The following MTUS1 variants were observed in gnomAD, a reference collection of about 807,000 sequenced individuals.
MTUS1 encodes microtubule-associated tumor suppressor 1.
Under a neutral mutation model 120.8 loss-of-function variants are expected in MTUS1, and 109 were observed. That is an observed-to-expected ratio of 0.90 (90% CI 0.77 to 1.06). The LOEUF (loss-of-function observed/expected upper bound fraction) is 1.06. MTUS1 is among the 50% of genes least tolerant of loss of function. The pLI is 0.00. For synonymous variants in MTUS1, 737 were observed against 550.5 expected, an observed-to-expected ratio of 1.34 and a Z score of -4.74; for missense variants, 2,210 against 1,486.3, an observed-to-expected ratio of 1.49 and a Z score of -8.01.
chr8:17,795,695 A>G lies in MTUS1; in HGVS notation c.-155+5366T>C, dbSNP rs955066551. Among the ~76,000 whole-genome samples, 47 of 152,266 alleles carry G rather than the reference A, an allele frequency of 3.1e-4. 1 individual carries two copies. The highest frequency in any genetic ancestry group is 1.2e-4 in the Non-Finnish European group (8 of 68,048). On this transcript the variant is annotated intron_variant, in intron 1 of 14. Coordinates refer to ENST00000693296, the MANE Select transcript of MTUS1 (RefSeq NM_001363059.2). ...TACTCTGTCACCCAGGCTAGAGGGC[A>G]GTGATGCGATCTCGGCTCACTGCAA...
chr8:17,653,142 G>A (rs1399520459), intron 12 of MTUS1, 44 bp downstream of exon 12: 5 of 1,181,426 alleles, frequency 4.2e-6, no homozygotes, highest in African/African-American at 1.6e-5. Flanking sequence ...AAAGGCAACT[G>A]AGAAGAAAAA....
intron 8 of MTUS1, among the ~76,000 whole-genome samples, chr8:17,658,510 C>T (rs1002629483): frequency 3.9e-5 from 6 of 152,132 alleles, no homozygotes; most frequent in Admixed American, 6.6e-5. Flanking sequence ...CTTCTGTCAC[C>T]GATGTGTAAA....
At chr8:17,721,991 GA>G in intron 4 of MTUS1, 1 of 1,392,282 alleles carries the variant, frequency 7.2e-7, no homozygotes, top group South Asian at 1.9e-5. Flanking sequence ...AATTCGAATG[GA>G]GGGAAAAAAA....
chr8:17,727,760 T>C (rs935346149), intron 3 of MTUS1, among the ~76,000 whole-genome samples: 2 of 152,234 alleles, frequency 1.3e-5, no homozygotes, highest in African/African-American at 2.4e-5. Flanking sequence ...TTGCAGGATA[T>C]TATTGACCTC....
chr8:17,646,221 T>C (rs1805762541), intron 14 of MTUS1, 82 bp from the exon 15 acceptor site: 3 of 1,369,282 alleles, frequency 2.2e-6, no homozygotes, highest in South Asian at 3.0e-5. Context: ...TTTGAAACTT[T>C]AAAGTCCAAA....
rs2048522039 is a variant in MTUS1, at chr8:17,755,281, T to A, written c.527A>T (p.His176Leu). The A allele has an allele frequency of 6.2e-7, 1 of 1,614,208 alleles. No homozygotes were observed. Among genetic ancestry groups the A allele is most frequent in the Non-Finnish European group, 8.5e-7 (1 of 1,180,030 alleles). The part of the protein sequence containing the change: ...DKVNCTFISH[H>L]AIGKSQSFHT... ...GAAGGACTGACTCTTTCCGATGGCA[T>A]GATGTGATATAAAGGTGCAGTTAAC... The change falls in exon 2 of 15, where the codon CAT becomes CTT. Residue 176 changes from histidine to leucine, a missense_variant. His to Leu is a moderately conservative substitution (Grantham distance 99, BLOSUM62 -3). Transcript: ENST00000693296.
At position 17,755,200 on chromosome 8, in the gene MTUS1, AAAG is replaced by A; in HGVS notation, c.605_607del (p.Ser202del). 12 of 1,614,220 alleles carry A rather than the reference AAAG, an allele frequency of 7.4e-6. No individual in the cohort carries two copies. Among genetic ancestry groups the A allele is most frequent in the East Asian group, 2.2e-5 (1 of 44,882 alleles). ...GGAAGATGTCCAAGTGGAATAGGATAAAGAAGATGTACTTCCACTTCTCCTACC... is the reference window on the plus strand; with the variant it reads ...GGAAGATGTCCAAGTGGAATAGGATAAAGATGTACTTCCACTTCTCCTACC... On this transcript the variant is annotated inframe_deletion, in exon 2 of 15. Transcript: ENST00000693296.
At chr8:17,774,096 A>C (rs1275158431) in intron 1 of MTUS1, among the ~76,000 whole-genome samples, 1 of 152,152 alleles carries the variant, frequency 6.6e-6, no homozygotes, top group Non-Finnish European at 1.5e-5. Context: ...ATAATCTTCC[A>C]AAGTTTGCCT....
intron 2 of MTUS1, among the ~76,000 whole-genome samples, chr8:17,750,263 C>A (rs2048089433): frequency 6.6e-6 from 1 of 152,144 alleles, no homozygotes; most frequent in African/African-American, 2.4e-5. Context: ...ACAGAATTGG[C>A]CAAGAAAAGC....
rs192603062 is a variant in MTUS1 at position 17,780,455 on chromosome 8, G to C, written c.-155+20606C>G. Among the ~76,000 whole-genome samples, 69 of 152,238 alleles carry C rather than the reference G, an allele frequency of 4.5e-4. 1 individual carries two copies. Among genetic ancestry groups the C allele is most frequent in the Admixed American group, 2.0e-3 (31 of 15,276 alleles). The stretch of plus-strand genomic sequence containing the variant: ...GCTTCAAGTCTAAAAGGGAACTCTG[G>C]GCTTCCAGACCCCTGCCCATTTCCT... On this transcript the variant is annotated intron_variant, in intron 1 of 14. Coordinates refer to ENST00000693296, the MANE Select transcript of MTUS1 (RefSeq NM_001363059.2).
chr8:17,659,841 C>A (rs1436462881), intron 8 of MTUS1, among the ~76,000 whole-genome samples: 1 of 152,170 alleles, frequency 6.6e-6, no homozygotes, highest in Non-Finnish European at 1.5e-5. Flanking sequence ...CGTTTCCCCC[C>A]AACCTGAAAC....
intron 4 of MTUS1, among the ~76,000 whole-genome samples, chr8:17,720,905 T>C (rs1004965868): frequency 6.6e-5 from 10 of 152,254 alleles, no homozygotes; most frequent in Admixed American, 6.5e-4. Context: ...TTTCTACACT[T>C]AAAAGAACAC....
intron 1 of MTUS1, among the ~76,000 whole-genome samples, chr8:17,778,730 G>A (rs909711949): frequency 6.6e-6 from 1 of 152,058 alleles, no homozygotes; most frequent in Non-Finnish European, 1.5e-5. Context: ...GATCGTTTGG[G>A]CCCTGGAGGG....
Position 17,754,425 on chromosome 8 carries a change from A to AAGC in MTUS1, c.1380_1382dup (p.Leu461dup). The AAGC allele has an allele frequency of 6.2e-7, 1 of 1,614,070 alleles. No individual in the cohort carries two copies. The highest frequency in any genetic ancestry group is 8.5e-7 in the Non-Finnish European group (1 of 1,180,006). On this transcript the variant is annotated inframe_insertion, in exon 2 of 15. Coordinates refer to ENST00000693296, the MANE Select transcript of MTUS1 (RefSeq NM_001363059.2). Reference sequence around the variant, plus strand: ...CCTCCTTCGAGTCTGGTATGTTTTTAAGCCCTCGATTACCCTTCTCCACTT... The same window carrying AAGC: ...CCTCCTTCGAGTCTGGTATGTTTTTAAGCAGCCCTCGATTACCCTTCTCCACTT...
intron 4 of MTUS1, among the ~76,000 whole-genome samples, chr8:17,720,434 G>A (rs1585940553): frequency 6.6e-6 from 1 of 152,062 alleles, no homozygotes; most frequent in Admixed American, 6.5e-5. Context: ...CTCAGCCAGG[G>A]CTGTCAGTGA....
chr8:17,727,551 A>G (rs2131146790), intron 3 of MTUS1, among the ~76,000 whole-genome samples: 1 of 152,378 alleles, frequency 6.6e-6, no homozygotes, highest in African/African-American at 2.4e-5. Context: ...CGTTTAGCTT[A>G]ACGGTAAAGT....
At chr8:17,757,600 C>G (rs1445018152) in intron 1 of MTUS1, among the ~76,000 whole-genome samples, 1 of 152,190 alleles carries the variant, frequency 6.6e-6, no homozygotes, top group Non-Finnish European at 1.5e-5. Flanking sequence ...AATCTCGGCT[C>G]ACTGCAACCT....
At chr8:17,716,130 T>C (rs1308409189) in intron 4 of MTUS1, among the ~76,000 whole-genome samples, 1 of 152,138 alleles carries the variant, frequency 6.6e-6, no homozygotes, top group Non-Finnish European at 1.5e-5. Flanking sequence ...CCTGGCACAG[T>C]CCAAGCTTAT....
Position 17,755,882 on chromosome 8 carries a change from GGTCT to G in MTUS1, c.-79_-76del. ...TTTTAAATGAGAGGGTGGGCAAAAT[GGTCT>G]GTCTTCTAGGTTTTTCAGCACAGTT... On this transcript the variant is annotated 5_prime_UTR_variant, in exon 2 of 15. Coordinates refer to ENST00000693296, the MANE Select transcript of MTUS1 (RefSeq NM_001363059.2). 1 of 1,526,252 alleles carries G rather than the reference GGTCT, an allele frequency of 6.6e-7. No homozygotes were observed. Among genetic ancestry groups the G allele is most frequent in the Non-Finnish European group, 8.7e-7 (1 of 1,144,094 alleles). The allele number at this position is 1,526,252 out of a possible 1,614,324, so 94.5% of individuals were successfully genotyped here.
Sources: gnomAD v4.1 joint callset for allele counts (sites outside exome capture counted in the v4.1 genomes callset) on GRCh38, gnomAD v4.1.1 for gene constraint, MANE v1.5 for transcripts, NCBI Gene and HGNC (gene_info 2026-07-23, HGNC 2026-07-21) for gene names.